Variants in MAGI1 observed in about 807,000 individuals in gnomAD.
MAGI1 encodes membrane-associated guanylate kinase, WW and PDZ domain-containing protein 1.
A neutral mutation model predicts 139.9 loss-of-function variants in MAGI1; 58 were observed. That is an observed-to-expected ratio of 0.41 (90% CI 0.34 to 0.52). The LOEUF is 0.52. MAGI1 is among the 20% of genes least tolerant of loss of function. MAGI1 has a pLI of 0.12. For synonymous variants in MAGI1, 812 were observed against 737.9 expected (o/e 1.10, Z -1.63); for missense variants, 1,874 against 1,901.6 (o/e 0.99, Z 0.27).
chr3:65,859,213 A>G (rs2059466202), intron 1 of MAGI1, among the ~76,000 whole-genome samples: 1 of 152,032 alleles, frequency 6.6e-6, no homozygotes. Flanking sequence ...CATGCCTGTA[A>G]TCCCAGCTAC....
chr3:65,579,736 A>G (rs1461363056), intron 2 of MAGI1, among the ~76,000 whole-genome samples: 1 of 151,700 alleles, frequency 6.6e-6, no homozygotes, highest in Non-Finnish European at 1.5e-5. Flanking sequence ...AATCCCAGCT[A>G]CTCGGGAGGC....
chr3:65,751,807 T>C (rs2036175801), intron 1 of MAGI1, among the ~76,000 whole-genome samples: 1 of 152,230 alleles, frequency 6.6e-6, no homozygotes, highest in South Asian at 2.1e-4. Context: ...AGATATACAA[T>C]ATTTAGAGTC....
intron 2 of MAGI1, among the ~76,000 whole-genome samples, chr3:65,516,439 C>T (rs189864117): frequency 8.6e-5 from 13 of 151,942 alleles, no homozygotes; most frequent in South Asian, 2.1e-4. Flanking sequence ...GGCCTCCCAA[C>T]GCATTGGAAT....
At chr3:66,029,772 T>C (rs1402198901) in intron 1 of MAGI1, among the ~76,000 whole-genome samples, 1 of 152,166 alleles carries the variant, frequency 6.6e-6, no homozygotes, top group Non-Finnish European at 1.5e-5. Context: ...TAGGGATTCA[T>C]GTTGGTGGGG....
intron 1 of MAGI1, among the ~76,000 whole-genome samples, chr3:65,818,719 C>T (rs2041764216): frequency 6.6e-6 from 1 of 152,086 alleles, no homozygotes; most frequent in Non-Finnish European, 1.5e-5. Flanking sequence ...AGAACTCATA[C>T]ATCTTACTGA....
chr3:65,698,280 C>T (rs12108180), intron 1 of MAGI1, among the ~76,000 whole-genome samples: 5 of 119,878 alleles, frequency 4.2e-5, no homozygotes, highest in East Asian at 2.5e-4. Flanking sequence ...GAATCAATAT[C>T]GTGAAAATGG....
intron 2 of MAGI1, among the ~76,000 whole-genome samples, chr3:65,537,372 A>C (rs1403396318): frequency 1.3e-5 from 2 of 150,540 alleles, no homozygotes; most frequent in Admixed American, 6.6e-5. Flanking sequence ...GTTCCCTTTC[A>C]CTCCTTTCTC....
In MAGI1 at chr3:65,550,008, CTG is replaced by C. The variant is rs1175024675; in HGVS notation, c.431-56379_431-56378del. On this transcript the variant is annotated intron_variant, in intron 2 of 22. Transcript: ENST00000402939. ...TTCTGGTACAGAACATTTTAAAAGC[CTG>C]TGTGTTCTGGGTCCACCACCTGGCA... 3.9e-5 allele frequency among the ~76,000 whole-genome samples: 6 copies of C among 152,200 alleles called. No individual in the cohort carries two copies. In the East Asian group the frequency reaches 1.2e-3, roughly 30 times the overall value.
chr3:65,729,209 T>C (rs2033947077), intron 1 of MAGI1, among the ~76,000 whole-genome samples: 1 of 149,404 alleles, frequency 6.7e-6, no homozygotes, highest in South Asian at 2.2e-4. Flanking sequence ...AATTATAAAC[T>C]GCTTATCTAT....
At chr3:65,801,382 A>G (rs1490748612) in intron 1 of MAGI1, among the ~76,000 whole-genome samples, 1 of 152,248 alleles carries the variant, frequency 6.6e-6, no homozygotes, top group Non-Finnish European at 1.5e-5. Flanking sequence ...TAGGTCTTGA[A>G]GTCAGATGCA....
At chr3:65,465,747 G>C (rs761617915) in intron 5 of MAGI1, among the ~76,000 whole-genome samples, 3 of 152,072 alleles carry the variant, frequency 2.0e-5, no homozygotes, top group Non-Finnish European at 4.4e-5. Flanking sequence ...TGAATCTGTA[G>C]GTTTATTTCT....
intron 1 of MAGI1, among the ~76,000 whole-genome samples, chr3:65,935,057 T>G (rs985066816): frequency 6.6e-5 from 10 of 152,166 alleles, no homozygotes; most frequent in Non-Finnish European, 1.2e-4. Context: ...TAGGGAACTA[T>G]TCGATCAAAG....
intron 1 of MAGI1, among the ~76,000 whole-genome samples, chr3:65,898,133 C>A (rs571746910): frequency 6.6e-6 from 1 of 152,256 alleles, no homozygotes; most frequent in South Asian, 2.1e-4. Flanking sequence ...GTTTGATATA[C>A]GATTTGGTTT....
At chr3:65,622,825 C>T (rs2083758186) in intron 1 of MAGI1, among the ~76,000 whole-genome samples, 1 of 152,130 alleles carries the variant, frequency 6.6e-6, no homozygotes, top group Non-Finnish European at 1.5e-5. Context: ...CCTCGGCCTC[C>T]CAAAGTGTTG....
chr3:65,950,140 T>TC (rs1553736826), intron 1 of MAGI1, among the ~76,000 whole-genome samples: 1 of 148,536 alleles, frequency 6.7e-6, no homozygotes, highest in Non-Finnish European at 1.5e-5. Context: ...TTTTTTTTTT[T>TC]ACTTTACAGC....
intron 1 of MAGI1, among the ~76,000 whole-genome samples, chr3:65,766,559 T>C (rs1158380928): frequency 6.6e-6 from 1 of 152,080 alleles, no homozygotes; most frequent in Non-Finnish European, 1.5e-5. Flanking sequence ...CCACGGCCCT[T>C]GGCCGCAAGA....
At chr3:65,463,227 T>C (rs1401960001) in intron 5 of MAGI1, among the ~76,000 whole-genome samples, 1 of 152,212 alleles carries the variant, frequency 6.6e-6, no homozygotes, top group Non-Finnish European at 1.5e-5. Flanking sequence ...AGTATGATAT[T>C]GGCTGTGGGT....
At chr3:65,806,730 C>T (rs1223143380) in intron 1 of MAGI1, among the ~76,000 whole-genome samples, 1 of 152,156 alleles carries the variant, frequency 6.6e-6, no homozygotes, top group Non-Finnish European at 1.5e-5. Context: ...TCAGTGATGT[C>T]ATCTGAAAAT....
intron 2 of MAGI1, among the ~76,000 whole-genome samples, chr3:65,502,164 T>G (rs2077107378): frequency 6.6e-6 from 1 of 152,184 alleles, no homozygotes; most frequent in African/African-American, 2.4e-5. Flanking sequence ...GTGTATAATT[T>G]TTTAAAAAAG....
Sources: gnomAD v4.1 joint callset for allele counts (sites outside exome capture counted in the v4.1 genomes callset) on GRCh38, gnomAD v4.1.1 for gene constraint, MANE v1.5 for transcripts, NCBI Gene and HGNC (gene_info 2026-07-23, HGNC 2026-07-21) for gene names.